Variants in CRK observed in about 807,000 individuals in gnomAD.
CRK encodes CRK proto-oncogene, adaptor protein.
Under a neutral mutation model 29.8 loss-of-function variants are expected in CRK, and 4 were observed. That is an observed-to-expected ratio of 0.13 (90% confidence interval 0.07 to 0.31). The LOEUF (loss-of-function observed/expected upper bound fraction) is 0.31. Ranked by LOEUF, CRK falls within the 10% of genes least tolerant of loss-of-function variation. The pLI, the probability that CRK is intolerant of heterozygous loss-of-function variation, is 1.00. For missense variants in CRK, 274 were observed against 396.5 expected (o/e 0.69, Z 2.62); for synonymous variants, 153 against 164.9 (o/e 0.93, Z 0.55).
rs1236284744 is a variant in CRK, at chr17:1,439,058, C to T, written c.242-1903G>A. Among the ~76,000 whole-genome samples the T allele has an allele frequency of 3.3e-5, 5 of 151,856 alleles. No homozygotes were observed. The East Asian group carries it at 7.7e-4, about 24-fold the overall frequency. On this transcript the variant is annotated intron_variant, in intron 1 of 2. Coordinates refer to ENST00000300574, the MANE Select transcript of CRK (RefSeq NM_016823.4). ...CACGTTGCCCAGACTGGTGAACTCC[C>T]GGGATTGTTAGGATTTCGGCTTCCC...
chr17:1,454,836 C>T (rs879486279), intron 1 of CRK, among the ~76,000 whole-genome samples: 1 of 152,160 alleles, frequency 6.6e-6, no homozygotes, highest in African/African-American at 2.4e-5. Context: ...TATCTATTCC[C>T]TTAAAACAGT....
intron 2 of CRK, among the ~76,000 whole-genome samples, chr17:1,430,197 C>G (rs1367186969): frequency 6.8e-6 from 1 of 148,088 alleles, no homozygotes; most frequent in Non-Finnish European, 1.5e-5. Context: ...GGCGTGTGCC[C>G]CCACGCCTGG....
chr17:1,451,590 G>A (rs1427018146), intron 1 of CRK, among the ~76,000 whole-genome samples: 11 of 152,128 alleles, frequency 7.2e-5, no homozygotes, highest in Admixed American at 7.2e-4. Flanking sequence ...GCGGCTGTAT[G>A]TGCCTGTAGT....
chr17:1,427,030 C>CAAAAAAAAAAAAAAAA lies in CRK; in HGVS notation c.778-3396_778-3381dup, dbSNP rs562515421. ...CTGGGCGACAGAGCAAAACTGTCTC[C>CAAAAAAAAAAAAAAAA]AAAAAAAAAAAAAAAAAAAAAAAAA... On this transcript the variant is annotated intron_variant, in intron 2 of 2. Transcript: ENST00000300574. Among the ~76,000 whole-genome samples the CAAAAAAAAAAAAAAAA allele has an allele frequency of 2.5e-4, 9 of 35,304 alleles. 1 individual carries two copies. Among genetic ancestry groups the CAAAAAAAAAAAAAAAA allele is most frequent in the East Asian group, 2.6e-3 (2 of 776 alleles). The allele number at this position is 35,304 out of a possible 152,430, so 23.2% of individuals were successfully genotyped here.
intron 2 of CRK, among the ~76,000 whole-genome samples, chr17:1,431,665 C>A (rs942721318): frequency 6.6e-6 from 1 of 152,136 alleles, no homozygotes; most frequent in Non-Finnish European, 1.5e-5. Context: ...ATAGCTCACT[C>A]CAGCCTTGAC....
At chr17:1,446,121 T>C (rs1191964188) in intron 1 of CRK, among the ~76,000 whole-genome samples, 1 of 152,090 alleles carries the variant, frequency 6.6e-6, no homozygotes, top group African/African-American at 2.4e-5. Context: ...GCACAATGCC[T>C]TCCTAGACTG....
chr17:1,449,933 T>C (rs2074004509), intron 1 of CRK, among the ~76,000 whole-genome samples: 1 of 152,174 alleles, frequency 6.6e-6, no homozygotes, highest in Non-Finnish European at 1.5e-5. Context: ...GCACGGTGGC[T>C]CACGCCTGTA....
intron 1 of CRK, among the ~76,000 whole-genome samples, chr17:1,444,741 G>A (rs1363787072): frequency 6.6e-6 from 1 of 151,876 alleles, no homozygotes; most frequent in Non-Finnish European, 1.5e-5. Flanking sequence ...GCTGAGGCAG[G>A]AGAATCGCTG....
At chr17:1,451,192 C>CAAA (rs10691537) in intron 1 of CRK, among the ~76,000 whole-genome samples, 837 of 66,952 alleles carry the variant, frequency 0.013, 44 homozygotes, top group African/African-American at 0.042. Context: ...GAAACTGTCT[C>CAAA]AAAAAAAAAA....
rs114014523 is a variant in CRK at position 1,452,981 on chromosome 17, G to A, written c.241+2896C>T. Among the ~76,000 whole-genome samples the A allele has an allele frequency of 5.5e-3, 833 of 152,192 alleles. 12 individuals carry two copies. The highest frequency in any genetic ancestry group is 0.019 in the African/African-American group (782 of 41,530). On this transcript the variant is annotated intron_variant, in intron 1 of 2. Transcript: ENST00000300574. ...ACAGTTAACCAGGCATGGTGGATAC[G>A]CCTGGAGTCCCAGCTACTCAGGAGG...
intron 2 of CRK, among the ~76,000 whole-genome samples, chr17:1,433,955 C>T (rs570836290): frequency 6.6e-6 from 1 of 151,920 alleles, no homozygotes; most frequent in African/African-American, 2.4e-5. Flanking sequence ...CCACCTCAGC[C>T]TCCGAAAGTG....
chr17:1,428,285 A>C (rs988652285), intron 2 of CRK, among the ~76,000 whole-genome samples: 3 of 150,266 alleles, frequency 2.0e-5, no homozygotes, highest in Non-Finnish European at 4.4e-5. Context: ...CGCCCAGCTG[A>C]TTTTTGTATT....
intron 2 of CRK, among the ~76,000 whole-genome samples, chr17:1,432,347 G>A (rs922279245): frequency 2.0e-5 from 3 of 151,920 alleles, no homozygotes; most frequent in Non-Finnish European, 4.4e-5. Context: ...AAATTAGCCA[G>A]GCGTGGTGGT....
chr17:1,450,435 AG>A, intron 1 of CRK, among the ~76,000 whole-genome samples: 1 of 152,230 alleles, frequency 6.6e-6, no homozygotes, highest in Middle Eastern at 3.4e-3. Context: ...TGAACCCGGC[AG>A]GCGGAGCTTT....
intron 1 of CRK, among the ~76,000 whole-genome samples, chr17:1,448,453 T>G (rs182884748): frequency 2.1e-4 from 32 of 151,498 alleles, no homozygotes; most frequent in Non-Finnish European, 4.1e-4. Context: ...GTGAAACCCA[T>G]CTCTACTAAA....
chr17:1,430,860 G>A (rs2073837463), intron 2 of CRK, among the ~76,000 whole-genome samples: 2 of 151,538 alleles, frequency 1.3e-5, no homozygotes, highest in African/African-American at 2.4e-5. Context: ...GAGGTCAGCA[G>A]ATCGAGACCA....
At position 1,423,175 on chromosome 17, in the gene CRK, G is replaced by T. The variant is rs2073743978; in HGVS notation, c.*338C>A. ...CACTGAATAAATCAGGGTAAGCAGT[G>T]TGTAACACTCCTTCCTGTCCATCGG... On this transcript the variant is annotated 3_prime_UTR_variant, in exon 3 of 3. Transcript: ENST00000300574. The T allele has an allele frequency of 4.1e-6, 2 of 486,690 alleles. No individual in the cohort carries two copies. Among genetic ancestry groups the T allele is most frequent in the African/African-American group, 4.0e-5 (2 of 50,456 alleles). 30.1% of individuals were successfully genotyped at this position (486,690 alleles called of 1,614,324 possible). A position where few individuals can be genotyped will look rare whatever the true frequency, so the allele number is the denominator to read the frequency against.
intron 2 of CRK, among the ~76,000 whole-genome samples, chr17:1,430,416 G>GCTCA (rs2073829367): frequency 6.7e-6 from 1 of 150,210 alleles, no homozygotes; most frequent in Non-Finnish European, 1.5e-5. Context: ...GAGTGCAGTG[G>GCTCA]CGCGATCTTG....
intron 1 of CRK, among the ~76,000 whole-genome samples, chr17:1,453,563 A>C (rs1350993517): frequency 2.6e-5 from 4 of 152,228 alleles, no homozygotes; most frequent in African/African-American, 7.2e-5. Context: ...ACAATGAGAA[A>C]GATCTAGGAT....
Sources: allele counts gnomAD v4.1 joint callset (sites outside exome capture counted in the v4.1 genomes callset), GRCh38; gene constraint gnomAD v4.1.1; transcripts MANE v1.5; gene names NCBI Gene and HGNC (gene_info 2026-07-23, HGNC 2026-07-21).